PNPLA8: variants seen among roughly 807,000 people sequenced by gnomAD.
PNPLA8 encodes the protein calcium-independent phospholipase A2-gamma.
PNPLA8 carries 39 observed loss-of-function variants against 76.9 expected under a neutral mutation model. That is an observed-to-expected ratio of 0.51 (90% CI 0.39 to 0.66). The LOEUF (loss-of-function observed/expected upper bound fraction) is 0.66, where lower values mean the gene tolerates loss of function less well. Among genes scored for constraint, PNPLA8 ranks in the 30% least tolerant of loss-of-function variants. PNPLA8 has a pLI of 0.00. For missense variants in PNPLA8, 887 were observed against 918.0 expected (o/e 0.97, Z 0.44); for synonymous variants, 301 against 307.9 (o/e 0.98, Z 0.24).
chr7:108,506,504 C>A (rs1394238459), intron 4 of PNPLA8, among the ~76,000 whole-genome samples: 4 of 152,116 alleles, frequency 2.6e-5, no homozygotes, highest in Non-Finnish European at 5.9e-5. Context: ...ACTAACGTTA[C>A]AAATATGCTC....
Position 108,514,748 on chromosome 7 carries a change from A to C in PNPLA8, c.744T>G (p.Ser248=). 3 of 1,613,442 alleles carry C rather than the reference A, an allele frequency of 1.9e-6. No homozygotes were observed. Among genetic ancestry groups the C allele is most frequent in the Non-Finnish European group, 2.5e-6 (3 of 1,179,528 alleles). ...DKKVEEGKLR[S]PDPGILAYKP... ...TATAAGCCAGGATGCCAGGATCTGG[A>C]GATCTTAATTTCCCCTCTTCTACCT... Residue 248 remains serine (S), a synonymous_variant, in exon 3 of 11, where the codon TCT becomes TCG. Coordinates refer to ENST00000257694, the MANE Select transcript of PNPLA8 (RefSeq NM_001256007.3).
intron 3 of PNPLA8, 66 bp from the exon 4 acceptor site, chr7:108,514,359 C>A: frequency 6.5e-7 from 1 of 1,538,904 alleles, no homozygotes; most frequent in Non-Finnish European, 8.8e-7. Context: ...ATGAAAGTTT[C>A]TTAGTTCTCA....
chr7:108,507,748 G>A (rs1598941013), intron 4 of PNPLA8, among the ~76,000 whole-genome samples: 1 of 152,076 alleles, frequency 6.6e-6, no homozygotes, highest in South Asian at 2.1e-4. Flanking sequence ...AGCTATTAAA[G>A]CAACACCTTA....
intron 9 of PNPLA8, among the ~76,000 whole-genome samples, 157 bp downstream of exon 9, chr7:108,487,598 CAACA>C (rs1395744560): frequency 6.6e-6 from 1 of 151,968 alleles, no homozygotes; most frequent in Non-Finnish European, 1.5e-5. Context: ...TTAAGAAAAA[CAACA>C]AATAAAAATA....
intron 9 of PNPLA8, among the ~76,000 whole-genome samples, chr7:108,485,096 A>G (rs1039865967): frequency 6.6e-6 from 1 of 152,190 alleles, no homozygotes; most frequent in Admixed American, 6.5e-5. Context: ...TAGGAATAAT[A>G]TGTATATCAG....
At chr7:108,507,645 A>T (rs892730545) in intron 4 of PNPLA8, among the ~76,000 whole-genome samples, 11 of 152,122 alleles carry the variant, frequency 7.2e-5, no homozygotes, top group African/African-American at 2.7e-4. Flanking sequence ...CTGTCTCCCA[A>T]AAAAAGAAAA....
chr7:108,527,755 G>A (rs1240457339), upstream of PNPLA8: 1 of 152,184 alleles, frequency 6.6e-6, no homozygotes, highest in Non-Finnish European at 1.5e-5. Context: ...CAATTATCAA[G>A]GCTAGGAGAT....
chr7:108,506,198 T>C (rs1364362316), intron 4 of PNPLA8, among the ~76,000 whole-genome samples: 1 of 151,994 alleles, frequency 6.6e-6, no homozygotes, highest in Non-Finnish European at 1.5e-5. Flanking sequence ...ACCAACAGGG[T>C]GAAACCCCGT....
intron 10 of PNPLA8, among the ~76,000 whole-genome samples, chr7:108,474,768 T>C (rs570558118): frequency 3.9e-5 from 6 of 152,360 alleles, no homozygotes; most frequent in Non-Finnish European, 8.8e-5. Flanking sequence ...CTGGACTCTC[T>C]ATTACATACC....
chr7:108,523,638 A>G (rs1476334431), intron 1 of PNPLA8, among the ~76,000 whole-genome samples: 4 of 152,210 alleles, frequency 2.6e-5, no homozygotes, highest in Non-Finnish European at 5.9e-5. Context: ...GAAAAAATCC[A>G]CTGCGGTGAG....
In PNPLA8 at chr7:108,496,731, C is replaced by A; in HGVS notation, c.1478G>T (p.Gly493Val). ...TTCATCCAAGGGCATATGAAACAAC[C>A]CCAACATGAAAGCTAATATGGCACC... is the stretch of plus-strand genomic sequence containing the variant. Reference protein sequence around the residue: ...STGAILAFMLGLFHMPLDECE... With the variant: ...STGAILAFMLVLFHMPLDECE... The change falls in exon 7 of 11, where the codon GGG becomes GTG. Residue 493 changes from glycine to valine, a missense_variant. Transcript: ENST00000257694. 1.9e-6 allele frequency: 3 copies of A among 1,610,540 alleles called. No homozygotes were observed. The highest frequency in any genetic ancestry group is 2.5e-6 in the Non-Finnish European group (3 of 1,178,554).
At chr7:108,514,334 C>T in intron 3 of PNPLA8, 41 bp from the exon 4 acceptor site, 1 of 1,562,100 alleles carries the variant, frequency 6.4e-7, no homozygotes, top group Non-Finnish European at 8.7e-7. Flanking sequence ...GAATACAAAA[C>T]TGCTCTAAAG....
Position 108,487,962 on chromosome 7 carries a change from T to A in PNPLA8, c.1684-9A>T. Reference sequence around the variant, plus strand: ...GTACTTACAGCAGCTACCTAGTGAATGAAAAAGTGAACAATTCCATCATTA... The same window carrying A: ...GTACTTACAGCAGCTACCTAGTGAAAGAAAAAGTGAACAATTCCATCATTA... On this transcript the variant is annotated splice_polypyrimidine_tract_variant and intron_variant, in intron 8 of 10. Coordinates refer to ENST00000257694, the MANE Select transcript of PNPLA8 (RefSeq NM_001256007.3). The A allele has an allele frequency of 1.3e-6, 2 of 1,539,080 alleles. No homozygotes were observed. The highest frequency in any genetic ancestry group is 1.8e-6 in the Non-Finnish European group (2 of 1,122,126).
At chr7:108,493,268 A>AC (rs1221445799) in intron 7 of PNPLA8, among the ~76,000 whole-genome samples, 1 of 152,246 alleles carries the variant, frequency 6.6e-6, no homozygotes, top group Non-Finnish European at 1.5e-5. Flanking sequence ...AGACAGCAAT[A>AC]CATAAATATG....
At chr7:108,483,722 T>C (rs747113588) in intron 9 of PNPLA8, among the ~76,000 whole-genome samples, 4 of 152,246 alleles carry the variant, frequency 2.6e-5, no homozygotes, top group Non-Finnish European at 4.4e-5. Context: ...GATAGGTATT[T>C]ATATTTGTAT....
chr7:108,522,111 T>C (rs936991932), intron 1 of PNPLA8, among the ~76,000 whole-genome samples: 2 of 151,426 alleles, frequency 1.3e-5, no homozygotes, highest in Admixed American at 1.3e-4. Context: ...CTGGCCAATA[T>C]GGTGAAACCC....
At chr7:108,495,177 T>G (rs922254641) in intron 7 of PNPLA8, among the ~76,000 whole-genome samples, 7 of 152,188 alleles carry the variant, frequency 4.6e-5, no homozygotes, top group Admixed American at 3.9e-4. Flanking sequence ...TCTTAAAACA[T>G]GCATATCCTC....
rs1366870639 is a variant in PNPLA8, at chr7:108,515,532, C to G, written c.-41G>C. The G allele has an allele frequency of 1.5e-6, 2 of 1,331,486 alleles. No homozygotes were observed. The highest frequency in any genetic ancestry group is 3.0e-5 in the African/African-American group (2 of 67,528). The allele number at this position is 1,331,486 out of a possible 1,614,324, so 82.5% of individuals were successfully genotyped here. ...TATTTTCTATGACATTCTCTCACTT[C>G]TTGAACGCTTCATTTAAGAAATGCC... On this transcript the variant is annotated 5_prime_UTR_variant, in exon 3 of 11. Transcript: ENST00000257694.
chr7:108,515,999 A>T (rs1863315063), intron 2 of PNPLA8, among the ~76,000 whole-genome samples: 1 of 152,210 alleles, frequency 6.6e-6, no homozygotes, highest in Admixed American at 6.5e-5. Context: ...CGATTTATAG[A>T]ATACTTAATC....
Sources: gnomAD v4.1 joint callset for allele counts (sites outside exome capture counted in the v4.1 genomes callset) on GRCh38, gnomAD v4.1.1 for gene constraint, MANE v1.5 for transcripts, NCBI Gene and HGNC (gene_info 2026-07-23, HGNC 2026-07-21) for gene names.